Variants in GRAMD4 observed in about 807,000 individuals in gnomAD.
GRAMD4 encodes the protein GRAM domain containing 4.
A neutral mutation model predicts 83.9 loss-of-function variants in GRAMD4; 25 were observed. The ratio of observed to expected loss-of-function variants is 0.30; its 90% CI spans 0.22 to 0.42. GRAMD4 has a LOEUF of 0.42. Ranked by LOEUF, GRAMD4 falls within the 10% of genes least tolerant of loss-of-function variation. The probability of loss-of-function intolerance (pLI) is 1.00; values close to 1 mark genes in which losing one functional copy is unlikely to be tolerated. For synonymous variants in GRAMD4, 336 were observed against 320.9 expected (o/e 1.05, Z -0.50); for missense variants, 593 against 788.7 (o/e 0.75, Z 2.97).
chr22:46,577,537 GC>G (rs1371085774), intron 1 of GRAMD4, among the ~76,000 whole-genome samples: 1 of 150,462 alleles, frequency 6.6e-6, no homozygotes, highest in Non-Finnish European at 1.5e-5. Flanking sequence ...TCCGGGTTCT[GC>G]CCGCCGGCTG....
chr22:46,582,209 A>T (rs1221093485), intron 1 of GRAMD4, among the ~76,000 whole-genome samples: 1 of 152,046 alleles, frequency 6.6e-6, no homozygotes, highest in African/African-American at 2.4e-5. Context: ...GGAAACCGTG[A>T]AGCTTTGTGC....
At chr22:46,645,470 T>A (rs566968347) in intron 3 of GRAMD4, among the ~76,000 whole-genome samples, 192 of 152,332 alleles carry the variant, frequency 1.3e-3, no homozygotes, top group Middle Eastern at 0.01. Context: ...AATTCTTGAC[T>A]CAGGCGCTGG....
intron 1 of GRAMD4, among the ~76,000 whole-genome samples, chr22:46,584,505 A>G (rs935156244): frequency 6.6e-6 from 1 of 152,034 alleles, no homozygotes; most frequent in African/African-American, 2.4e-5. Context: ...ATTCGTGTCT[A>G]TTCAAGCAGC....
chr22:46,664,639 G>A (rs1397878033), intron 8 of GRAMD4, among the ~76,000 whole-genome samples: 3 of 152,228 alleles, frequency 2.0e-5, no homozygotes, highest in African/African-American at 4.8e-5. Context: ...CTGCCCCAGC[G>A]GGACAGGAGA....
intron 3 of GRAMD4, among the ~76,000 whole-genome samples, chr22:46,652,941 G>A (rs1460932707): frequency 6.6e-6 from 1 of 152,224 alleles, no homozygotes; most frequent in African/African-American, 2.4e-5. Context: ...TGTCGCTGGT[G>A]GGCAGGAGGC....
intron 1 of GRAMD4, among the ~76,000 whole-genome samples, chr22:46,625,874 G>T (rs1361464713): frequency 2.0e-5 from 3 of 152,244 alleles, no homozygotes; most frequent in African/African-American, 7.2e-5. Flanking sequence ...TTGGCACGTG[G>T]TGTGTGTGAA....
intron 3 of GRAMD4, among the ~76,000 whole-genome samples, chr22:46,646,080 G>A (rs749574545): frequency 9.2e-5 from 14 of 152,154 alleles, no homozygotes; most frequent in Admixed American, 7.8e-4. Flanking sequence ...GGGAGCCCTC[G>A]TGACTGCCTT....
rs140997926 is a variant in GRAMD4, at chr22:46,662,360, G to A, written c.467-680G>A. Among the ~76,000 whole-genome samples the A allele has an allele frequency of 4.9e-3, 745 of 152,360 alleles. 4 individuals are homozygous for A. The highest frequency in any genetic ancestry group is 0.017 in the African/African-American group (714 of 41,590). On this transcript the variant is annotated intron_variant, in intron 5 of 18. Transcript: ENST00000406902. ...CCAAAACTTTGGCGAGGCAGCACCC[G>A]CTGCAGGCGGCTCCTCACTGGCCTT...
At chr22:46,652,247 G>A (rs570454790) in intron 3 of GRAMD4, among the ~76,000 whole-genome samples, 1 of 152,294 alleles carries the variant, frequency 6.6e-6, no homozygotes, top group East Asian at 1.9e-4. Flanking sequence ...GAAGGTCAGA[G>A]GAGGCCATGT....
chr22:46,679,631 G>A lies in GRAMD4; in HGVS notation c.*2380G>A, dbSNP rs1338450064. On this transcript the variant is annotated 3_prime_UTR_variant, in exon 19 of 19. Coordinates refer to ENST00000406902, the MANE Select transcript of GRAMD4 (RefSeq NM_015124.5). The stretch of plus-strand genomic sequence containing the variant: ...GGATCTGTAAATAATCATTGCCAGT[G>A]TGACTTTTGTTCAACAAAAGGATTG... The A allele has an allele frequency of 1.0e-6, 1 of 983,232 alleles. No homozygotes were observed. The highest frequency in any genetic ancestry group is 1.7e-5 in the African/African-American group (1 of 57,328). 60.9% of individuals were successfully genotyped at this position (983,232 alleles called of 1,614,324 possible). A position where few individuals can be genotyped will look rare whatever the true frequency, so the allele number is the denominator to read the frequency against.
chr22:46,660,828 C>G (rs1024332629), intron 4 of GRAMD4, among the ~76,000 whole-genome samples: 1 of 152,220 alleles, frequency 6.6e-6, no homozygotes. Flanking sequence ...GGCGACCACA[C>G]AGCACTTGGC....
At chr22:46,679,900 C>G, downstream of GRAMD4, 1 of 525,354 alleles carries the variant, frequency 1.9e-6, no homozygotes, top group Non-Finnish European at 2.4e-6. Context: ...CTCCCTGGGG[C>G]CCCACGGCTG....
intron 1 of GRAMD4, among the ~76,000 whole-genome samples, chr22:46,603,515 C>CTTTGTTTTTTTTTTTTTTTTTT (rs2081334775): frequency 4.9e-5 from 4 of 81,588 alleles, no homozygotes; most frequent in African/African-American, 1.8e-4. Context: ...GGCCTCTTCT[C>CTTTGTTTTTTTTTTTTTTTTTT]TTTTTTTTTT....
upstream of GRAMD4, among the ~76,000 whole-genome samples, chr22:46,575,846 T>G (rs888622902): frequency 6.6e-6 from 1 of 152,232 alleles, no homozygotes; most frequent in Non-Finnish European, 1.5e-5. Context: ...TCCCCAGTTC[T>G]GCAGACAGGA....
intron 2 of GRAMD4, among the ~76,000 whole-genome samples, chr22:46,630,592 G>A (rs1280358555): frequency 6.6e-6 from 1 of 152,214 alleles, no homozygotes; most frequent in Non-Finnish European, 1.5e-5. Flanking sequence ...TGCAGCCTGG[G>A]GTGTTCTGAC....
At chr22:46,643,113 ATCCATCCATGCATCCATCCATGCATCCT>A in intron 3 of GRAMD4, among the ~76,000 whole-genome samples, 1 of 151,496 alleles carries the variant, frequency 6.6e-6, no homozygotes, top group African/African-American at 2.4e-5. Context: ...CCATCCATCC[ATCCATCCATGCATCCATCCATGCATCCT>A]TCCATCCATC....
intron 17 of GRAMD4, 28 bp from the exon 18 acceptor site, chr22:46,676,572 G>T: frequency 6.5e-7 from 1 of 1,545,216 alleles, no homozygotes; most frequent in Non-Finnish European, 8.7e-7. Flanking sequence ...GGAGAGACCT[G>T]TGGTGACGGC....
At chr22:46,635,159 G>A (rs1435540045) in intron 2 of GRAMD4, among the ~76,000 whole-genome samples, 290 of 125,614 alleles carry the variant, frequency 2.3e-3, no homozygotes, top group African/African-American at 5.5e-3. Context: ...CTCCACCCCT[G>A]GCCACTCCTG....
intron 1 of GRAMD4, among the ~76,000 whole-genome samples, chr22:46,607,856 C>A (rs931367084): frequency 6.6e-6 from 1 of 152,216 alleles, no homozygotes; most frequent in East Asian, 1.9e-4. Context: ...TGCCCTTCCT[C>A]TGCAGCCTGC....
Sources: gnomAD v4.1 joint callset for allele counts (sites outside exome capture counted in the v4.1 genomes callset) on GRCh38, gnomAD v4.1.1 for gene constraint, MANE v1.5 for transcripts, NCBI Gene and HGNC (gene_info 2026-07-23, HGNC 2026-07-21) for gene names.